CCDC7: variants seen among roughly 807,000 people sequenced by gnomAD.
The protein encoded by CCDC7 is coiled-coil domain containing 7, also known as coiled-coil domain-containing protein 7.
A neutral mutation model predicts 196.9 loss-of-function variants in CCDC7; 183 were observed. The ratio of observed to expected loss-of-function variants is 0.93; its 90% CI spans 0.82 to 1.05. The LOEUF (loss-of-function observed/expected upper bound fraction) is 1.05, where lower values mean the gene tolerates loss of function less well. Ranked by LOEUF, CCDC7 falls within the 50% of genes least tolerant of loss-of-function variation. The pLI, the probability that CCDC7 is intolerant of heterozygous loss-of-function variation, is 0.00. For synonymous variants in CCDC7, 525 were observed against 484.6 expected, an observed-to-expected ratio of 1.08 and a Z score of -1.10; for missense variants, 1,540 against 1,482.2, an observed-to-expected ratio of 1.04 and a Z score of -0.64.
Position 32,636,755 on chromosome 10 carries a change from G to T in CCDC7, c.2014+1597G>T, listed in dbSNP as rs931023399. ...TTGGGTATATACCCAGTAATGGGAT[G>T]GCTGGGTCAAATGGTATTTCTAGTT... On this transcript the variant is annotated intron_variant, in intron 20 of 41. Transcript: ENST00000639629. Among the ~76,000 whole-genome samples the T allele has an allele frequency of 2.2e-4, 33 of 152,166 alleles. 1 individual carries two copies. The highest frequency in any genetic ancestry group is 6.2e-4 in the South Asian group (3 of 4,820).
In CCDC7 at chr10:32,821,531, T is replaced by G. The variant is rs577289212; in HGVS notation, c.3182-2987T>G. Among the ~76,000 whole-genome samples the G allele has an allele frequency of 3.4e-3, 525 of 152,304 alleles. 4 individuals carry two copies. The highest frequency in any genetic ancestry group is 0.011 in the African/African-American group (467 of 41,550). On this transcript the variant is annotated intron_variant, in intron 31 of 41. Transcript: ENST00000639629. The stretch of plus-strand genomic sequence containing the variant: ...TGCACGCGTATGTTTATTGCGGCAC[T>G]ATTCACAATAGCAAAGACTTGGAAC...
intron 18 of CCDC7, among the ~76,000 whole-genome samples, chr10:32,606,493 T>TC (rs1286105031): frequency 6.6e-6 from 1 of 152,188 alleles, no homozygotes; most frequent in Admixed American, 6.5e-5. Context: ...GGCACTCAAC[T>TC]CCAACCTGTA....
intron 7 of CCDC7, among the ~76,000 whole-genome samples, chr10:32,473,159 T>C (rs1017478780): frequency 6.6e-6 from 1 of 152,172 alleles, no homozygotes; most frequent in African/African-American, 2.4e-5. Context: ...ATCTAGCATG[T>C]TAGTACAGTG....
intron 24 of CCDC7, among the ~76,000 whole-genome samples, chr10:32,703,134 T>G (rs1412532960): frequency 6.6e-6 from 1 of 152,202 alleles, no homozygotes; most frequent in Non-Finnish European, 1.5e-5. Flanking sequence ...ATTTGGCATG[T>G]TTTCGCAGTG....
At chr10:32,702,840 C>G (rs529341826) in intron 24 of CCDC7, among the ~76,000 whole-genome samples, 1 of 152,290 alleles carries the variant, frequency 6.6e-6, no homozygotes, top group African/African-American at 2.4e-5. Context: ...ATTGCAACCT[C>G]TGCCTTTTTT....
intron 13 of CCDC7, among the ~76,000 whole-genome samples, chr10:32,559,860 G>A (rs879519780): frequency 2.0e-4 from 31 of 152,114 alleles, no homozygotes; most frequent in Admixed American, 3.3e-4. Context: ...GGCTTCAGAC[G>A]ATCAAACTAC....
At chr10:32,874,211 ATAATT>A (rs2094525721) in intron 41 of CCDC7, among the ~76,000 whole-genome samples, 1 of 149,310 alleles carries the variant, frequency 6.7e-6, no homozygotes, top group African/African-American at 2.4e-5. Context: ...AAATGTGTAT[ATAATT>A]TAATATAAAA....
intron 29 of CCDC7, among the ~76,000 whole-genome samples, chr10:32,792,494 A>C (rs900267356): frequency 3.9e-5 from 6 of 152,218 alleles, no homozygotes; most frequent in Admixed American, 3.9e-4. Context: ...ATCAGCTTAA[A>C]TTACTTGCTT....
At chr10:32,642,593 C>G (rs2067028534) in intron 20 of CCDC7, among the ~76,000 whole-genome samples, 1 of 152,222 alleles carries the variant, frequency 6.6e-6, no homozygotes, top group African/African-American at 2.4e-5. Flanking sequence ...TTCCCTGACC[C>G]TTTGCACTTC....
At chr10:32,507,093 A>G (rs2045305756) in intron 9 of CCDC7, among the ~76,000 whole-genome samples, 1 of 151,926 alleles carries the variant, frequency 6.6e-6, no homozygotes, top group Non-Finnish European at 1.5e-5. Context: ...CCCGGGTTCA[A>G]GTGATTCTCC....
At chr10:32,462,833 T>C (rs753079109) in intron 4 of CCDC7, 130 bp downstream of exon 5, 27 of 1,273,788 alleles carry the variant, frequency 2.1e-5, no homozygotes, top group East Asian at 1.0e-4. Flanking sequence ...TATTTAAGAA[T>C]TTTATGTTCA....
intron 19 of CCDC7, 24 bp downstream of exon 20, chr10:32,634,388 C>G (rs1590874530): frequency 4.2e-6 from 4 of 951,932 alleles, no homozygotes; most frequent in Middle Eastern, 3.8e-4. Context: ...TTATACATAT[C>G]TTTACACTAT....
chr10:32,756,722 A>C (rs1309651196), intron 28 of CCDC7, among the ~76,000 whole-genome samples: 2 of 152,242 alleles, frequency 1.3e-5, no homozygotes, highest in Non-Finnish European at 2.9e-5. Flanking sequence ...AGCTAACATC[A>C]TAATTACAGG....
At chr10:32,468,502 A>C (rs1369311069) in intron 5 of CCDC7, among the ~76,000 whole-genome samples, 1 of 152,180 alleles carries the variant, frequency 6.6e-6, no homozygotes, top group African/African-American at 2.4e-5. Flanking sequence ...GGGGTTTTCT[A>C]GATATAGGAT....
At chr10:32,825,137 CAG>C (rs980708339) in intron 32 of CCDC7, among the ~76,000 whole-genome samples, 1 of 152,182 alleles carries the variant, frequency 6.6e-6, no homozygotes, top group Non-Finnish European at 1.5e-5. Flanking sequence ...CCCATAGAGG[CAG>C]AGAGCTTAAC....
At chr10:32,487,367 A>C (rs150140596) in intron 8 of CCDC7, among the ~76,000 whole-genome samples, 6,525 of 152,154 alleles carry the variant, frequency 0.043, 143 homozygotes, top group Middle Eastern at 0.065. Flanking sequence ...TGCATTGGTT[A>C]TTCTAGTTAG....
chr10:32,677,325 C>T (rs1438515372), intron 21 of CCDC7, among the ~76,000 whole-genome samples: 2 of 151,674 alleles, frequency 1.3e-5, no homozygotes, highest in Admixed American at 6.6e-5. Context: ...TGTAACTAAC[C>T]TGCACATTGT....
chr10:32,848,176 T>A (rs2093392158), intron 38 of CCDC7, among the ~76,000 whole-genome samples: 2 of 152,176 alleles, frequency 1.3e-5, no homozygotes, highest in Admixed American at 1.3e-4. Flanking sequence ...ATAATCCATG[T>A]TACTTTTATA....
intron 33 of CCDC7, 87 bp downstream of exon 34, chr10:32,834,985 T>C (rs917084630): frequency 7.0e-5 from 38 of 546,176 alleles, no homozygotes; most frequent in African/African-American, 5.9e-4. Flanking sequence ...ACTGTAGCTG[T>C]AAGTTATTAC....
Sources: gnomAD v4.1 joint callset for allele counts (sites outside exome capture counted in the v4.1 genomes callset) on GRCh38, gnomAD v4.1.1 for gene constraint, MANE v1.5 for transcripts, NCBI Gene and HGNC (gene_info 2026-07-23, HGNC 2026-07-21) for gene names.